The following ITSN2 variants were observed in gnomAD, a reference collection of about 807,000 sequenced individuals.
The protein encoded by ITSN2 is intersectin-2.
ITSN2 carries 156 observed loss-of-function variants against 243.7 expected under a neutral mutation model. The observed-to-expected ratio is 0.64, with a 90% CI of 0.56 to 0.73. The LOEUF is 0.73. Ranked by LOEUF, ITSN2 falls within the 30% of genes least tolerant of loss-of-function variation. The pLI is 0.00. For synonymous variants in ITSN2, 703 were observed against 699.9 expected, an observed-to-expected ratio of 1.00 and a Z score of -0.07; for missense variants, 1,801 against 1,996.1, an observed-to-expected ratio of 0.90 and a Z score of 1.86.
intron 2 of ITSN2, among the ~76,000 whole-genome samples, chr2:24,320,128 G>GC: frequency 6.6e-6 from 1 of 152,188 alleles, no homozygotes; most frequent in Non-Finnish European, 1.5e-5. Context: ...CCTAATCCCA[G>GC]TATTTTGGGA....
chr2:24,309,030 T>C (rs1370180644), intron 7 of ITSN2: 3 of 354,522 alleles, frequency 8.5e-6, no homozygotes, highest in South Asian at 2.3e-5. Flanking sequence ...GGGACCTAGG[T>C]TGGATGCTCC....
rs1235263653 is a variant in ITSN2, at chr2:24,225,957, C to T, written c.3578-4891G>A. ...ATACCTGCATTGTCAATAGAGTAGC[C>T]CTTAGCAAGCTGTGACCGCTGAACA... On this transcript the variant is annotated intron_variant, in intron 29 of 39. Transcript: ENST00000355123. This position sits in a 1 kb window ranked among gnomAD's most constrained non-coding sequence, Gnocchi z 4.2. Among the ~76,000 whole-genome samples the T allele has an allele frequency of 6.6e-6, 1 of 152,130 alleles. No homozygotes were observed. Among genetic ancestry groups the T allele is most frequent in the Non-Finnish European group, 1.5e-5 (1 of 68,024 alleles).
chr2:24,228,722 A>C (rs1332703826), intron 29 of ITSN2, among the ~76,000 whole-genome samples: 1 of 152,214 alleles, frequency 6.6e-6, no homozygotes, highest in African/African-American at 2.4e-5. Flanking sequence ...TCAGTGCGAC[A>C]GAAGTCCCTG....
At chr2:24,351,155 G>A (rs958614048) in intron 1 of ITSN2, among the ~76,000 whole-genome samples, 2 of 152,076 alleles carry the variant, frequency 1.3e-5, no homozygotes, top group African/African-American at 4.8e-5. Flanking sequence ...TTGCACCTGT[G>A]GAACTACCTG....
chr2:24,216,837 G>A (rs1669999260), intron 31 of ITSN2, among the ~76,000 whole-genome samples: 2 of 152,212 alleles, frequency 1.3e-5, no homozygotes, highest in South Asian at 2.1e-4. Flanking sequence ...TGTAATCCCA[G>A]CACTTTGAGA....
chr2:24,301,846 C>T, intron 10 of ITSN2, 119 bp downstream of exon 10: 1 of 1,003,500 alleles, frequency 1.0e-6, no homozygotes, highest in Non-Finnish European at 1.4e-6. Context: ...AATATGTACC[C>T]TTTTCAAGTA....
chr2:24,233,979 T>C (rs1671868777), intron 29 of ITSN2, among the ~76,000 whole-genome samples: 1 of 152,164 alleles, frequency 6.6e-6, no homozygotes, highest in Admixed American at 6.5e-5. Flanking sequence ...AAACTGATTC[T>C]AAAAGTTTAT....
intron 2 of ITSN2, among the ~76,000 whole-genome samples, chr2:24,324,522 C>T (rs547940998): frequency 3.9e-5 from 6 of 152,116 alleles, no homozygotes; most frequent in Non-Finnish European, 8.8e-5. Context: ...AATCTTGACA[C>T]CTTCATATTC....
At chr2:24,231,117 G>A (rs973119368) in intron 29 of ITSN2, among the ~76,000 whole-genome samples, 1 of 152,148 alleles carries the variant, frequency 6.6e-6, no homozygotes, top group Non-Finnish European at 1.5e-5. Context: ...TTTTATCTGA[G>A]TATTTTATTC....
At chr2:24,301,901 T>C (rs1681797148) in intron 10 of ITSN2, 64 bp downstream of exon 10, 3 of 1,431,030 alleles carry the variant, frequency 2.1e-6, no homozygotes, top group Non-Finnish European at 2.8e-6. Context: ...AATATTTAAC[T>C]CTCTTCTAAA....
At chr2:24,305,541 C>T (rs1682408998) in intron 8 of ITSN2, among the ~76,000 whole-genome samples, 7 of 140,828 alleles carry the variant, frequency 5.0e-5, no homozygotes. Context: ...CGCACCACTG[C>T]ACTCCAGCCT....
intron 20 of ITSN2, among the ~76,000 whole-genome samples, chr2:24,269,981 G>A (rs1677146376): frequency 1.3e-5 from 2 of 152,184 alleles, no homozygotes; most frequent in Admixed American, 6.5e-5. Flanking sequence ...TATCTTGGGT[G>A]CTAGCGTTTT....
At chr2:24,255,850 G>A (rs1184225713) in intron 23 of ITSN2, among the ~76,000 whole-genome samples, 2 of 152,196 alleles carry the variant, frequency 1.3e-5, no homozygotes, top group Admixed American at 6.5e-5. Context: ...GGGAGTTTGA[G>A]ACCAGCCTGA....
In ITSN2 at chr2:24,308,680, T is replaced by A; in HGVS notation, c.730A>T (p.Thr244Ser). The A allele has an allele frequency of 6.5e-7, 1 of 1,535,680 alleles. No individual in the cohort carries two copies. The highest frequency in any genetic ancestry group is 8.8e-7 in the Non-Finnish European group (1 of 1,134,428). The change falls in exon 8 of 40, where the codon ACA becomes TCA. Residue 244 changes from threonine (T) to serine (S), a missense_variant. Coordinates refer to ENST00000355123, the MANE Select transcript of ITSN2 (RefSeq NM_006277.3). ...GTSEWAVPQP[T>S]RLKYRQKFNT... ...AATTTTTGCCGATATTTTAATCTTG[T>A]AGGCTGAGGAACTGCCCACTCTGAG...
chr2:24,340,098 A>T (rs989686395), intron 1 of ITSN2, among the ~76,000 whole-genome samples: 3 of 152,212 alleles, frequency 2.0e-5, no homozygotes, highest in Non-Finnish European at 4.4e-5. Context: ...CCAAGATCAC[A>T]CAATTTAAGA....
At chr2:24,236,676 T>TC (rs1227891232) in intron 29 of ITSN2, among the ~76,000 whole-genome samples, 2 of 148,714 alleles carry the variant, frequency 1.3e-5, no homozygotes, top group East Asian at 1.9e-4. Flanking sequence ...TTTTTTTCTT[T>TC]TTTTTTTTTT....
intron 23 of ITSN2, 151 bp downstream of exon 23, chr2:24,257,737 G>GT: frequency 1.5e-6 from 1 of 658,570 alleles, no homozygotes. Context: ...GATTACAGGT[G>GT]TGAGCCACCA....
intron 14 of ITSN2, among the ~76,000 whole-genome samples, chr2:24,295,368 G>A (rs1372582063): frequency 6.6e-6 from 1 of 152,172 alleles, no homozygotes; most frequent in Non-Finnish European, 1.5e-5. Context: ...GTACAGTGGT[G>A]CGATCTGGGT....
At chr2:24,236,377 T>C (rs1264040454) in intron 29 of ITSN2, among the ~76,000 whole-genome samples, 1 of 152,154 alleles carries the variant, frequency 6.6e-6, no homozygotes, top group East Asian at 1.9e-4. Flanking sequence ...GATAGCTAAA[T>C]TGTACAGAGA....
Sources: allele counts gnomAD v4.1 joint callset (sites outside exome capture counted in the v4.1 genomes callset), GRCh38; gene constraint gnomAD v4.1.1; non-coding constraint Gnocchi (gnomAD v3.1); transcripts MANE v1.5; gene names NCBI Gene and HGNC (gene_info 2026-07-23, HGNC 2026-07-21).